Variants in KCNIP4 observed in about 807,000 individuals in gnomAD.
The protein encoded by KCNIP4 is Kv channel-interacting protein 4.
KCNIP4 carries 12 observed loss-of-function variants against 34.0 expected under a neutral mutation model. That is an observed-to-expected ratio of 0.35 (90% CI 0.23 to 0.57). The LOEUF is 0.57. Among genes scored for constraint, KCNIP4 ranks in the 20% least tolerant of loss-of-function variants. The probability of loss-of-function intolerance (pLI) is 0.83; values close to 1 mark genes in which losing one functional copy is unlikely to be tolerated. For missense variants in KCNIP4, 238 were observed against 311.7 expected (o/e 0.76, Z 1.78); for synonymous variants, 124 against 102.2 (o/e 1.21, Z -1.29).
At chr4:21,313,213 G>C (rs1055656740) in intron 1 of KCNIP4, among the ~76,000 whole-genome samples, 1 of 151,164 alleles carries the variant, frequency 6.6e-6, no homozygotes, top group Non-Finnish European at 1.5e-5. Context: ...AATTTCAACA[G>C]ATTTTTAGCC....
chr4:21,214,440 T>A (rs1757426800), intron 1 of KCNIP4, among the ~76,000 whole-genome samples: 2 of 152,196 alleles, frequency 1.3e-5, no homozygotes, highest in Admixed American at 6.5e-5. Flanking sequence ...TCAAAAAAAA[T>A]TCTGCCTTAT....
At chr4:21,376,955 A>G (rs1721016498) in intron 1 of KCNIP4, among the ~76,000 whole-genome samples, 1 of 152,226 alleles carries the variant, frequency 6.6e-6, no homozygotes, top group African/African-American at 2.4e-5. Flanking sequence ...AAGATGGAAT[A>G]TCAAACATAA....
At chr4:21,404,928 G>A (rs1028993189) in intron 1 of KCNIP4, among the ~76,000 whole-genome samples, 1 of 152,098 alleles carries the variant, frequency 6.6e-6, no homozygotes, top group Non-Finnish European at 1.5e-5. Flanking sequence ...CCAAACTTTA[G>A]TCAGGCTTTT....
intron 1 of KCNIP4, among the ~76,000 whole-genome samples, chr4:21,726,991 G>A (rs1324528660): frequency 6.6e-6 from 1 of 152,094 alleles, no homozygotes; most frequent in Non-Finnish European, 1.5e-5. Context: ...CTACATGTTT[G>A]GCACTACACA....
chr4:21,188,157 C>G (rs1273386221), intron 1 of KCNIP4, among the ~76,000 whole-genome samples: 1 of 152,104 alleles, frequency 6.6e-6, no homozygotes, highest in Non-Finnish European at 1.5e-5. Flanking sequence ...TTATCTTAGT[C>G]ATGAGTTTTG....
chr4:20,839,514 A>G (rs1719475525), intron 3 of KCNIP4, among the ~76,000 whole-genome samples: 1 of 149,380 alleles, frequency 6.7e-6, no homozygotes, highest in Non-Finnish European at 1.5e-5. Context: ...ATATATAGAT[A>G]GGTTATTTTT....
chr4:20,847,708 T>C (rs1720542554), intron 3 of KCNIP4, among the ~76,000 whole-genome samples: 1 of 152,184 alleles, frequency 6.6e-6, no homozygotes, highest in South Asian at 2.1e-4. Flanking sequence ...GTATCAGAGA[T>C]ACCATATGGG....
At chr4:21,095,046 CTGAT>C (rs1286978894) in intron 1 of KCNIP4, among the ~76,000 whole-genome samples, 1 of 152,102 alleles carries the variant, frequency 6.6e-6, no homozygotes, top group Non-Finnish European at 1.5e-5. Context: ...AATTCAGAAA[CTGAT>C]TGGATGTGAA....
At chr4:21,770,646 C>T (rs1052704219) in intron 1 of KCNIP4, among the ~76,000 whole-genome samples, 4 of 152,068 alleles carry the variant, frequency 2.6e-5, no homozygotes, top group Admixed American at 2.6e-4. Context: ...CCGCCATTCT[C>T]ACTGGCATGA....
intron 1 of KCNIP4, among the ~76,000 whole-genome samples, chr4:21,360,762 T>C (rs1392025488): frequency 2.0e-5 from 3 of 152,046 alleles, no homozygotes; most frequent in South Asian, 4.1e-4. Context: ...AAAACGTAGG[T>C]GAAACAGCCT....
At chr4:20,969,713 A>C (rs78884527) in intron 1 of KCNIP4, among the ~76,000 whole-genome samples, 6,378 of 152,234 alleles carry the variant, frequency 0.042, 428 homozygotes, top group African/African-American at 0.14. Flanking sequence ...TACTAAAAAA[A>C]GAAATTACTT....
chr4:21,038,706 T>C (rs1289898967), intron 1 of KCNIP4, among the ~76,000 whole-genome samples: 1 of 152,258 alleles, frequency 6.6e-6, no homozygotes, highest in East Asian at 1.9e-4. Context: ...GCTTTCCATA[T>C]GTGCATTCAA....
At chr4:21,550,515 G>C (rs931445980) in intron 1 of KCNIP4, among the ~76,000 whole-genome samples, 7 of 151,934 alleles carry the variant, frequency 4.6e-5, no homozygotes, top group African/African-American at 1.7e-4. Context: ...CTTGCAATGG[G>C]TCATTTCAGC....
chr4:20,798,011 T>C (rs145788347), intron 3 of KCNIP4, among the ~76,000 whole-genome samples: 360 of 152,324 alleles, frequency 2.4e-3, no homozygotes, highest in African/African-American at 8.3e-3. Flanking sequence ...TACGCAGCAA[T>C]AGAAAACAAA....
chr4:21,854,103 C>T (rs927812678), intron 1 of KCNIP4, among the ~76,000 whole-genome samples: 10 of 152,182 alleles, frequency 6.6e-5, no homozygotes, highest in Non-Finnish European at 1.2e-4. Flanking sequence ...AAGTTTCACT[C>T]TCCAAAGTGT....
chr4:21,599,874 G>C (rs929722250), intron 1 of KCNIP4, among the ~76,000 whole-genome samples: 9 of 152,054 alleles, frequency 5.9e-5, no homozygotes, highest in Non-Finnish European at 1.2e-4. Flanking sequence ...CCCAAAGGAA[G>C]TTGTAGGGAG....
chr4:21,697,756 C>A, intron 1 of KCNIP4: 1 of 909,728 alleles, frequency 1.1e-6, no homozygotes, highest in Admixed American at 5.3e-5. Context: ...GGCTCGGCAT[C>A]CCCTCTCCAG....
intron 1 of KCNIP4, among the ~76,000 whole-genome samples, chr4:21,496,212 C>G (rs545448192): frequency 6.6e-6 from 1 of 152,056 alleles, no homozygotes; most frequent in Non-Finnish European, 1.5e-5. Flanking sequence ...GAGAGTGAGA[C>G]TACAGGTAAT....
chr4:21,049,172 G>A (rs1013890986), intron 1 of KCNIP4, among the ~76,000 whole-genome samples: 1 of 151,208 alleles, frequency 6.6e-6, no homozygotes, highest in Non-Finnish European at 1.5e-5. Flanking sequence ...GGATGGTCTC[G>A]ATCTCCTGAC....
Sources: gnomAD v4.1 joint callset for allele counts (sites outside exome capture counted in the v4.1 genomes callset) on GRCh38, gnomAD v4.1.1 for gene constraint, MANE v1.5 for transcripts, NCBI Gene and HGNC (gene_info 2026-07-23, HGNC 2026-07-21) for gene names.